Variants in JPT2 observed in about 807,000 individuals in gnomAD.
The protein encoded by JPT2 is CRAMP_1 like.
A neutral mutation model predicts 15.9 loss-of-function variants in JPT2; 9 were observed. The observed-to-expected ratio is 0.57, with a 90% CI of 0.34 to 0.99. The LOEUF (loss-of-function observed/expected upper bound fraction) is 0.99. Ranked by LOEUF, JPT2 falls within the 50% of genes least tolerant of loss-of-function variation. The pLI is 0.02. For synonymous variants in JPT2, 95 were observed against 91.7 expected (o/e 1.04, Z -0.21); for missense variants, 267 against 252.1 (o/e 1.06, Z -0.40).
intron 3 of JPT2, 150 bp downstream of exon 3, chr16:1,692,135 T>G (rs1298919673): frequency 9.6e-7 from 1 of 1,044,920 alleles, no homozygotes; most frequent in Non-Finnish European, 1.4e-6. Context: ...TCATCGAGTT[T>G]GGAAGTTCCC....
rs1277411133 is a variant in JPT2 at position 1,698,191 on chromosome 16, AG to A, written c.385+335del. Among the ~76,000 whole-genome samples the A allele has an allele frequency of 6.6e-6, 1 of 152,124 alleles. No individual in the cohort carries two copies. Among genetic ancestry groups the A allele is most frequent in the African/African-American group, 2.4e-5 (1 of 41,410 alleles). ...AGCTGGCAGAACTAATCGAGAAGAG[AG>A]GGGCACAAGAGAGGGATGGAGGATG... is the stretch of plus-strand genomic sequence containing the variant. On this transcript the variant is annotated intron_variant, in intron 4 of 4. Coordinates refer to ENST00000248098, the MANE Select transcript of JPT2 (RefSeq NM_144570.3). The surrounding 1 kb of genome is among the most constrained non-coding windows in gnomAD (Gnocchi z 4.9).
At chr16:1,683,038 C>T (rs1003014906) in intron 1 of JPT2, among the ~76,000 whole-genome samples, 5 of 152,106 alleles carry the variant, frequency 3.3e-5, no homozygotes, top group Non-Finnish European at 7.3e-5. Context: ...AATGCAGTGG[C>T]GCATCTTGGT....
At position 1,699,253 on chromosome 16, in the gene JPT2, C is replaced by T. The variant is rs1291643303; in HGVS notation, c.*255C>T. On this transcript the variant is annotated 3_prime_UTR_variant, in exon 5 of 5. Transcript: ENST00000248098. Reference sequence around the variant, plus strand: ...ATGTGTAGTCCAGGTTTGAGAGGAACTGGAAGGGGGGTGAGGGTGGGGAGG... The same window carrying T: ...ATGTGTAGTCCAGGTTTGAGAGGAATTGGAAGGGGGGTGAGGGTGGGGAGG... 1 of 573,808 alleles carries T rather than the reference C, an allele frequency of 1.7e-6. No individual in the cohort carries two copies. Among genetic ancestry groups the T allele is most frequent in the South Asian group, 1.5e-5 (1 of 65,546 alleles). 35.5% of individuals were successfully genotyped at this position (573,808 alleles called of 1,614,324 possible).
intron 1 of JPT2, chr16:1,683,650 G>A: frequency 8.0e-7 from 1 of 1,245,814 alleles, no homozygotes; most frequent in South Asian, 1.3e-5. Context: ...GGTCTCTGCA[G>A]GCGGAGACTG....
Position 1,688,748 on chromosome 16 carries a change from G to A in JPT2, c.194-3095G>A, listed in dbSNP as rs371688113. 4.6e-5 allele frequency: 7 copies of A among 152,228 alleles called. No individual in the cohort carries two copies. The East Asian group carries it at 1.4e-3, about 29-fold the overall frequency. The allele number at this position is 152,228 out of a possible 1,614,324, so 9.4% of individuals were successfully genotyped here. A position where few individuals can be genotyped will look rare whatever the true frequency, so the allele number is the denominator to read the frequency against. On this transcript the variant is annotated intron_variant, in intron 2 of 4. Transcript: ENST00000248098. ...ATATTTTTAAAAACAAAATAACACA[G>A]AGCCCTTGGAAATCAAAAATCTAGC...
At position 1,698,327 on chromosome 16, in the gene JPT2, G is replaced by A. The variant is rs2037157141; in HGVS notation, c.385+467G>A. ...GCTCTTTAGCCTGACCATGGGCATC[G>A]GTTTCTGCCTTTGGGTCTCCATTTC... On this transcript the variant is annotated intron_variant, in intron 4 of 4. Coordinates refer to ENST00000248098, the MANE Select transcript of JPT2 (RefSeq NM_144570.3). The surrounding 1 kb of genome is among the most constrained non-coding windows in gnomAD (Gnocchi z 4.9). Among the ~76,000 whole-genome samples the A allele has an allele frequency of 6.6e-6, 1 of 152,296 alleles. No homozygotes were observed. The highest frequency in any genetic ancestry group is 3.4e-3 in the Middle Eastern group (1 of 294).
intron 2 of JPT2, chr16:1,688,396 C>T (rs1410896694): frequency 1.3e-5 from 2 of 152,228 alleles, no homozygotes; most frequent in African/African-American, 2.4e-5. Flanking sequence ...CTTAAACTGA[C>T]TTCCTGAATG....
Position 1,699,050 on chromosome 16 carries a change from A to G in JPT2, c.*52A>G. 6 of 1,573,846 alleles carry G rather than the reference A, an allele frequency of 3.8e-6. No homozygotes were observed. Among genetic ancestry groups the G allele is most frequent in the Non-Finnish European group, 5.2e-6 (6 of 1,147,870 alleles). On this transcript the variant is annotated 3_prime_UTR_variant, in exon 5 of 5. Transcript: ENST00000248098. Reference sequence around the variant, plus strand: ...AGACCAGAAACTCAAGAGATAGGGTAGCCATGTTTTCATTTCCTTTTGCCC... The same window carrying G: ...AGACCAGAAACTCAAGAGATAGGGTGGCCATGTTTTCATTTCCTTTTGCCC...
Position 1,698,702 on chromosome 16 carries a change from A to C in JPT2, c.386-109A>C. Reference sequence around the variant, plus strand: ...TTGTCTTCTCTTTCCCAGTTACAGCATGAATTTCTTGCAGGTTGCTCTATG... The same window carrying C: ...TTGTCTTCTCTTTCCCAGTTACAGCCTGAATTTCTTGCAGGTTGCTCTATG... On this transcript the variant is annotated intron_variant, in intron 4 of 4. Transcript: ENST00000248098. The surrounding 1 kb of genome is among the most constrained non-coding windows in gnomAD (Gnocchi z 4.9). 1 of 1,060,544 alleles carries C rather than the reference A, an allele frequency of 9.4e-7. No homozygotes were observed. Among genetic ancestry groups the C allele is most frequent in the South Asian group, 1.7e-5 (1 of 59,984 alleles). 65.7% of individuals were successfully genotyped at this position (1,060,544 alleles called of 1,614,324 possible).
intron 3 of JPT2, among the ~76,000 whole-genome samples, chr16:1,694,531 AAAT>A (rs948890660): frequency 1.3e-5 from 2 of 152,234 alleles, no homozygotes; most frequent in South Asian, 2.1e-4. Context: ...AAGTATCCAA[AAAT>A]AATAATAATT....
rs2037181344 is a variant in JPT2 at position 1,701,699 on chromosome 16, T to C, written c.*2701T>C. 6.4e-6 allele frequency: 1 copy of C among 155,956 alleles called. No homozygotes were observed. Among genetic ancestry groups the C allele is most frequent in the Admixed American group, 6.2e-5 (1 of 16,024 alleles). 9.7% of individuals were successfully genotyped at this position (155,956 alleles called of 1,614,324 possible). A position where few individuals can be genotyped will look rare whatever the true frequency, so the allele number is the denominator to read the frequency against. ...AACCTGCCTCTGACCTGGCTTGCAA[T>C]GCATAGGTGAGGAGAAGCAGAGAGC... is the stretch of plus-strand genomic sequence containing the variant. On this transcript the variant is annotated 3_prime_UTR_variant, in exon 5 of 5. Coordinates refer to ENST00000248098, the MANE Select transcript of JPT2 (RefSeq NM_144570.3).
At chr16:1,683,237 A>C (rs534210085) in intron 1 of JPT2, among the ~76,000 whole-genome samples, 148 of 152,114 alleles carry the variant, frequency 9.7e-4, no homozygotes, top group African/African-American at 3.4e-3. Flanking sequence ...CGGCCTCCCA[A>C]GGTGCTGGGA....
intron 2 of JPT2, 36 bp from the exon 3 acceptor site, chr16:1,691,807 G>A (rs752151197): frequency 1.4e-5 from 23 of 1,598,144 alleles, no homozygotes; most frequent in South Asian, 3.4e-5. Context: ...TCCGGTGGAC[G>A]TCTGGTTGCT....
intron 3 of JPT2, 64 bp downstream of exon 3, chr16:1,692,049 G>T (rs543027033): frequency 1.3e-6 from 2 of 1,587,766 alleles, no homozygotes; most frequent in East Asian, 2.2e-5. Flanking sequence ...TTCCAAAAAG[G>T]CTCCAAGGCA....
chr16:1,685,379 T>G, intron 1 of JPT2, 60 bp from the exon 2 acceptor site: 2 of 1,575,466 alleles, frequency 1.3e-6, no homozygotes, highest in Admixed American at 3.6e-5. Flanking sequence ...CCAAAATCCT[T>G]GCACAGTGAC....
chr16:1,685,307 G>A (rs754996868), intron 1 of JPT2, 132 bp from the exon 2 acceptor site: 50 of 957,040 alleles, frequency 5.2e-5, no homozygotes, highest in Non-Finnish European at 7.1e-5. Flanking sequence ...CAGCCTGGGT[G>A]ACAGAATGAG....
rs757756833 is a variant in JPT2 at position 1,700,202 on chromosome 16, C to T, written c.*1204C>T. ...CCAGAAGAGACTAGAGACCTTAGGC[C>T]AGGAGATGAAGGAGTTCAGTAGCAA... On this transcript the variant is annotated 3_prime_UTR_variant, in exon 5 of 5. Transcript: ENST00000248098. The T allele has an allele frequency of 3.5e-5, 16 of 455,538 alleles. No homozygotes were observed. Among genetic ancestry groups the T allele is most frequent in the South Asian group, 2.0e-4 (13 of 64,546 alleles). The allele number at this position is 455,538 out of a possible 1,614,324, so 28.2% of individuals were successfully genotyped here. A position where few individuals can be genotyped will look rare whatever the true frequency, so the allele number is the denominator to read the frequency against.
At chr16:1,694,196 A>C (rs2037124738) in intron 3 of JPT2, among the ~76,000 whole-genome samples, 1 of 152,236 alleles carries the variant, frequency 6.6e-6, no homozygotes, top group Non-Finnish European at 1.5e-5. Context: ...CGTGGATCTG[A>C]GAAAATGTTC....
intron 3 of JPT2, among the ~76,000 whole-genome samples, chr16:1,694,431 C>T (rs2037126516): frequency 6.6e-6 from 1 of 152,156 alleles, no homozygotes; most frequent in African/African-American, 2.4e-5. Context: ...TAAAGAGAGA[C>T]AAGAATGTAG....
Sources: gnomAD v4.1 joint callset for allele counts (sites outside exome capture counted in the v4.1 genomes callset) on GRCh38, gnomAD v4.1.1 for gene constraint, Gnocchi (gnomAD v3.1) non-coding constraint, MANE v1.5 for transcripts, NCBI Gene and HGNC (gene_info 2026-07-23, HGNC 2026-07-21) for gene names.